Variants in TSHZ3 observed in about 807,000 individuals in gnomAD.
The protein encoded by TSHZ3 is teashirt zinc finger homeobox 3.
TSHZ3 carries 10 observed loss-of-function variants against 64.5 expected under a neutral mutation model. The observed-to-expected ratio is 0.16, with a 90% CI of 0.10 to 0.26. The LOEUF is 0.26. Ranked by LOEUF, TSHZ3 falls within the 10% of genes least tolerant of loss-of-function variation. TSHZ3 has a pLI of 1.00. For synonymous variants in TSHZ3, 608 were observed against 593.1 expected (o/e 1.03, Z -0.36); for missense variants, 1,242 against 1,421.7 (o/e 0.87, Z 2.03).
At chr19:31,229,034 A>G (rs1172682101) in intron 3 of TSHZ3, among the ~76,000 whole-genome samples, 6 of 152,212 alleles carry the variant, frequency 3.9e-5, no homozygotes, top group African/African-American at 1.4e-4. Context: ...CAGTGGTTTT[A>G]GAAGGGAGTT....
intron 5 of TSHZ3, among the ~76,000 whole-genome samples, chr19:31,193,451 T>C (rs1352213248): frequency 1.3e-5 from 2 of 152,126 alleles, no homozygotes; most frequent in African/African-American, 4.8e-5. Flanking sequence ...AAGACTTGAA[T>C]GCCACAGCCA....
At chr19:31,175,500 TC>T (rs1974594542) in intron 5 of TSHZ3, among the ~76,000 whole-genome samples, 1 of 152,232 alleles carries the variant, frequency 6.6e-6, no homozygotes, top group Admixed American at 6.5e-5. Context: ...TGATAAACCT[TC>T]CTCTAGGGAC....
chr19:31,215,909 T>A (rs1975321133), intron 4 of TSHZ3, among the ~76,000 whole-genome samples: 1 of 151,770 alleles, frequency 6.6e-6, no homozygotes, highest in Non-Finnish European at 1.5e-5. Flanking sequence ...ATATATAGGA[T>A]CTATAGTAGA....
At chr19:31,191,840 C>T (rs780181423) in intron 5 of TSHZ3, among the ~76,000 whole-genome samples, 25 of 152,272 alleles carry the variant, frequency 1.6e-4, no homozygotes, top group Non-Finnish European at 3.1e-4. Context: ...GCCTGGGAGA[C>T]TGCACCCCAG....
chr19:31,153,999 T>G (rs1054763130), intron 6 of TSHZ3, among the ~76,000 whole-genome samples: 2 of 152,252 alleles, frequency 1.3e-5, no homozygotes, highest in Admixed American at 1.3e-4. Flanking sequence ...GGAGACTGAC[T>G]TTGGCCAATA....
rs771523387 is a variant in TSHZ3, at chr19:31,279,069, C to T, written c.724G>A (p.Asp242Asn). 1.5e-5 allele frequency: 24 copies of T among 1,614,040 alleles called. No homozygotes were observed. The highest frequency in any genetic ancestry group is 1.3e-4 in the Admixed American group (8 of 60,004). Residue 242 changes from aspartate (D) to asparagine (N), a missense_variant, in exon 2 of 2, where the codon GAC becomes AAC. This residue lies in a region of TSHZ3 where 555 missense variants were observed against 704.0 expected (regional missense o/e 0.79). Coordinates refer to ENST00000240587, the MANE Select transcript of TSHZ3 (RefSeq NM_020856.4). The surrounding 1 kb of genome is among the most constrained non-coding windows in gnomAD (Gnocchi z 6.4). ...TTGTTGTTATCGGTCTCATGGTTGT[C>T]GTCGCGGTAATGCCCCGTCTCGTTC... ...HMNETGHYRD[D>N]NHETDNNNPK...
chr19:31,349,639 G>C (rs1209287121), upstream of TSHZ3: 2 of 157,278 alleles, frequency 1.3e-5, no homozygotes, highest in East Asian at 3.8e-4. Flanking sequence ...CGAGGTGCGC[G>C]GGGTTCGGGG....
chr19:31,175,279 A>G (rs11671181), intron 5 of TSHZ3, among the ~76,000 whole-genome samples: 1 of 151,372 alleles, frequency 6.6e-6, no homozygotes, highest in East Asian at 1.9e-4. Flanking sequence ...TTTGTTGATC[A>G]ATTTTAATGA....
chr19:31,321,161 C>T (rs1916758894), intron 1 of TSHZ3, among the ~76,000 whole-genome samples: 1 of 152,204 alleles, frequency 6.6e-6, no homozygotes, highest in Admixed American at 6.5e-5. Flanking sequence ...TTTCCAGCAT[C>T]CCTTTCCACC....
In TSHZ3 at chr19:31,219,565, A is replaced by G. The variant is rs145056284; in HGVS notation, n.686+8440T>C. Among the ~76,000 whole-genome samples, 901 of 152,290 alleles carry G rather than the reference A, an allele frequency of 5.9e-3. 8 individuals are homozygous for G. The highest frequency in any genetic ancestry group is 0.02 in the African/African-American group (850 of 41,572). On this transcript the variant is annotated intron_variant and non_coding_transcript_variant, in intron 4 of 6. Transcript: ENST00000651361. ...TTCCTTGTCCAATACAATAGCCACT[A>G]AAGATGTATGGCTATGAAGCACTTG...
chr19:31,165,677 ACT>A (rs952842247), intron 5 of TSHZ3, among the ~76,000 whole-genome samples: 1 of 151,902 alleles, frequency 6.6e-6, no homozygotes, highest in African/African-American at 2.4e-5. Flanking sequence ...AATATTGTAA[ACT>A]CTGTGGGTGG....
intron 1 of TSHZ3, among the ~76,000 whole-genome samples, chr19:31,321,517 T>A (rs1212367599): frequency 6.6e-6 from 1 of 152,156 alleles, no homozygotes; most frequent in Admixed American, 6.5e-5. Context: ...GCCTGAAACC[T>A]CATGGAAACA....
Position 31,340,520 on chromosome 19 carries a change from C to A in TSHZ3, c.40+8660G>T, listed in dbSNP as rs530554998. 3.1e-3 allele frequency among the ~76,000 whole-genome samples: 318 copies of A among 102,452 alleles called. 2 individuals carry two copies. Among genetic ancestry groups the A allele is most frequent in the Admixed American group, 9.1e-3 (95 of 10,436 alleles). The allele number at this position is 102,452 out of a possible 152,430, so 67.2% of individuals were successfully genotyped here. ...AGGGGAAAGGGAGGGAAGGGGTGGG[C>A]GGCGGGCAGGGAGGAGGGGAGAGGG... On this transcript the variant is annotated intron_variant, in intron 1 of 1. Transcript: ENST00000240587.
In TSHZ3 at chr19:31,278,612, G is replaced by A. The variant is rs193921027; in HGVS notation, c.1181C>T (p.Ser394Leu). 2 of 1,614,038 alleles carry A rather than the reference G, an allele frequency of 1.2e-6. No homozygotes were observed. The highest frequency in any genetic ancestry group is 2.7e-5 in the African/African-American group (2 of 74,920). The change falls in exon 2 of 2, where the codon TCG becomes TTG. Residue 394 changes from serine (S) to leucine (L), a missense_variant. This residue lies in a region of TSHZ3 where 555 missense variants were observed against 704.0 expected (regional missense o/e 0.79). Coordinates refer to ENST00000240587, the MANE Select transcript of TSHZ3 (RefSeq NM_020856.4). This position sits in a 1 kb window ranked among gnomAD's most constrained non-coding sequence, Gnocchi z 4.7. ...QILKCMECGS[S>L]HDTLQELTAH... ...AGTGAGCTCCTGCAGGGTGTCATGC[G>A]AGCTCCCACACTCCATGCACTTCAG... is the stretch of plus-strand genomic sequence containing the variant.
intron 4 of TSHZ3, among the ~76,000 whole-genome samples, chr19:31,223,401 T>TGA (rs1555727717): frequency 2.9e-5 from 4 of 139,652 alleles, no homozygotes; most frequent in Non-Finnish European, 4.7e-5. Context: ...TGTGTGTGTG[T>TGA]GACAGAGAGA....
chr19:31,313,397 C>T (rs546210307), intron 1 of TSHZ3, among the ~76,000 whole-genome samples: 1 of 152,328 alleles, frequency 6.6e-6, no homozygotes, highest in East Asian at 1.9e-4. Flanking sequence ...GCCCCCATGC[C>T]TGGCTGCTGA....
Position 31,277,277 on chromosome 19 carries a change from A to G in TSHZ3, c.2516T>C (p.Leu839Pro), listed in dbSNP as rs775407147. ...TATATCTGACAAGGCATTCTCGCGTAGCGGCGAGTTTGACATGAATGATAC... is the reference window on the plus strand; with the variant it reads ...TATATCTGACAAGGCATTCTCGCGTGGCGGCGAGTTTGACATGAATGATAC... ...AVVSFMSNSP[L>P]RENALSDISD... The change falls in exon 2 of 2, where the codon CTA (leucine) becomes CCA (proline). Residue 839 changes from leucine to proline, a missense_variant. Around this residue, in one of 4 missense-constraint regions of TSHZ3, gnomAD observed 550 missense variants for 545.1 expected, o/e 1.01. Transcript: ENST00000240587. This position sits in a 1 kb window ranked among gnomAD's most constrained non-coding sequence, Gnocchi z 4.5. The G allele has an allele frequency of 4.3e-6, 7 of 1,614,044 alleles. No individual in the cohort carries two copies. The South Asian group carries it at 6.6e-5, about 15-fold the overall frequency.
intron 1 of TSHZ3, among the ~76,000 whole-genome samples, chr19:31,287,028 T>C (rs1976476603): frequency 6.6e-6 from 1 of 152,202 alleles, no homozygotes; most frequent in Non-Finnish European, 1.5e-5. Flanking sequence ...ACGGAATTCA[T>C]TTCTGGGCAA....
intron 5 of TSHZ3, among the ~76,000 whole-genome samples, chr19:31,187,282 A>T (rs1974826758): frequency 6.6e-6 from 1 of 152,162 alleles, no homozygotes; most frequent in Admixed American, 6.5e-5. Context: ...TAACCTTTTG[A>T]GGTTGACTTC....
Sources: allele counts gnomAD v4.1 joint callset (sites outside exome capture counted in the v4.1 genomes callset), GRCh38; gene constraint gnomAD v4.1.1; regional missense constraint gnomAD v4.1.1; non-coding constraint Gnocchi (gnomAD v3.1); transcripts MANE v1.5; gene names NCBI Gene and HGNC (gene_info 2026-07-23, HGNC 2026-07-21).